The following NRXN3 variants were observed in gnomAD, a reference collection of about 807,000 sequenced individuals.
NRXN3 encodes the protein neurexin 3.
Under a neutral mutation model 137.6 loss-of-function variants are expected in NRXN3, and 32 were observed. The ratio of observed to expected loss-of-function variants is 0.23; its 90% CI spans 0.18 to 0.31. The LOEUF is 0.31. Among genes scored for constraint, NRXN3 ranks in the 10% least tolerant of loss-of-function variants. NRXN3 has a pLI of 1.00. For synonymous variants in NRXN3, 798 were observed against 784.5 expected (o/e 1.02, Z -0.29); for missense variants, 1,574 against 2,062.5 (o/e 0.76, Z 4.59).
Position 79,171,634 on chromosome 14 carries a change from A to C in NRXN3, c.3262+183493A>C, listed in dbSNP as rs1483611965. ...TTAAATGTAGACAGTGCTTTAAAAT[A>C]TATGCCTGATCATAAGAGTGGATAT... On this transcript the variant is annotated intron_variant, in intron 15 of 20. Coordinates refer to ENST00000335750, the MANE Select transcript of NRXN3 (RefSeq NM_001330195.2). 2.6e-5 allele frequency among the ~76,000 whole-genome samples: 4 copies of C among 152,306 alleles called. No individual in the cohort carries two copies. The East Asian group carries it at 5.8e-4, about 22-fold the overall frequency.
intron 20 of NRXN3, among the ~76,000 whole-genome samples, chr14:79,821,739 G>A (rs1420027435): frequency 3.7e-5 from 5 of 135,876 alleles, no homozygotes; most frequent in African/African-American, 1.4e-4. Context: ...CAAACTATAA[G>A]CTTGATGAAT....
At chr14:78,801,366 A>G (rs1166817842) in intron 8 of NRXN3, among the ~76,000 whole-genome samples, 1 of 152,230 alleles carries the variant, frequency 6.6e-6, no homozygotes, top group Non-Finnish European at 1.5e-5. Context: ...TATAAAGGAA[A>G]GAAGTTTAAT....
intron 4 of NRXN3, among the ~76,000 whole-genome samples, chr14:78,477,896 TCACA>T (rs1243448271): frequency 6.6e-6 from 1 of 151,624 alleles, no homozygotes; most frequent in East Asian, 1.9e-4. Context: ...TCTCTCTGTC[TCACA>T]CACACACACG....
chr14:79,751,875 G>T (rs1232941557), intron 19 of NRXN3, among the ~76,000 whole-genome samples: 26 of 152,036 alleles, frequency 1.7e-4, no homozygotes, highest in African/African-American at 2.7e-4. Flanking sequence ...GGATTACATT[G>T]ATTGATTTGC....
chr14:78,662,336 G>A (rs2097848510), intron 6 of NRXN3, among the ~76,000 whole-genome samples: 1 of 152,032 alleles, frequency 6.6e-6, no homozygotes. Flanking sequence ...AAGTGAAGAT[G>A]CCTGTGCCCA....
chr14:78,233,006 G>A (rs2065657951), intron 1 of NRXN3, among the ~76,000 whole-genome samples: 1 of 152,184 alleles, frequency 6.6e-6, no homozygotes. Context: ...TGTTGTTGTT[G>A]GTTTTCACCC....
At chr14:78,991,092 G>A (rs1362715025) in intron 15 of NRXN3, among the ~76,000 whole-genome samples, 1 of 152,180 alleles carries the variant, frequency 6.6e-6, no homozygotes, top group Non-Finnish European at 1.5e-5. Flanking sequence ...GACTTGAATA[G>A]GCTCATGCTT....
At chr14:78,205,563 G>T (rs1321711550) in intron 1 of NRXN3, among the ~76,000 whole-genome samples, 13 of 152,254 alleles carry the variant, frequency 8.5e-5, no homozygotes. Flanking sequence ...ATTGTGGCTT[G>T]GCTTAGGCCA....
intron 15 of NRXN3, among the ~76,000 whole-genome samples, chr14:79,399,008 C>CAAAAAAAAAAAAAAAAAA (rs34172134): frequency 1.3e-5 from 1 of 76,168 alleles, no homozygotes; most frequent in Non-Finnish European, 2.3e-5. Context: ...GACTCCATCT[C>CAAAAAAAAAAAAAAAAAA]AAAAAAAAAA....
chr14:79,121,587 T>C (rs2055444855), intron 15 of NRXN3, among the ~76,000 whole-genome samples: 1 of 152,212 alleles, frequency 6.6e-6, no homozygotes, highest in Non-Finnish European at 1.5e-5. Flanking sequence ...TTTTATAAAA[T>C]GGCACATGGG....
chr14:78,669,461 G>C (rs1408814458), intron 6 of NRXN3, among the ~76,000 whole-genome samples: 1 of 152,042 alleles, frequency 6.6e-6, no homozygotes, highest in African/African-American at 2.4e-5. Flanking sequence ...CTGCTGGTTG[G>C]CTATTTTATG....
At chr14:78,404,652 G>A (rs950493514) in intron 4 of NRXN3, among the ~76,000 whole-genome samples, 5 of 152,150 alleles carry the variant, frequency 3.3e-5, no homozygotes, top group African/African-American at 1.2e-4. Context: ...ACCAGGGACT[G>A]TGCCTCATTC....
chr14:79,028,812 A>G (rs2099602656), intron 15 of NRXN3, among the ~76,000 whole-genome samples: 1 of 152,270 alleles, frequency 6.6e-6, no homozygotes, highest in Non-Finnish European at 1.5e-5. Flanking sequence ...ACGAGTTACC[A>G]TAGCCTCCGT....
At chr14:79,485,354 A>G (rs2096646013) in intron 16 of NRXN3, among the ~76,000 whole-genome samples, 1 of 151,836 alleles carries the variant, frequency 6.6e-6, no homozygotes, top group South Asian at 2.1e-4. Context: ...CCACCCCCCA[A>G]CTCCTGACAA....
chr14:79,585,909 C>T (rs375183827), intron 16 of NRXN3, among the ~76,000 whole-genome samples: 3 of 152,222 alleles, frequency 2.0e-5, no homozygotes, highest in African/African-American at 7.2e-5. Flanking sequence ...ATTACCATGC[C>T]CACACCACTG....
rs746955982 is a variant in NRXN3 at position 78,966,340 on chromosome 14, C to A, written c.2711C>A (p.Pro904Gln). 3.5e-5 allele frequency: 57 copies of A among 1,614,198 alleles called. No individual in the cohort carries two copies. The South Asian group carries it at 6.0e-4, about 17-fold the overall frequency. ...HLFFQFKTTS[P>Q]DGFILFNSGD... ...TTCTTCCAGTTCAAGACCACCTCAC[C>A]AGATGGCTTCATTCTCTTCAATAGT... Residue 904 changes from proline (P) to glutamine (Q), a missense_variant, in exon 12 of 21, where the codon CCA (proline) becomes CAA (glutamine). Pro to Gln is a moderately conservative substitution (Grantham distance 76). Transcript: ENST00000335750.
Position 79,775,689 on chromosome 14 carries a change from C to T in NRXN3, c.4015-29423C>T, listed in dbSNP as rs1004881521. Among the ~76,000 whole-genome samples the T allele has an allele frequency of 5.3e-5, 8 of 151,798 alleles. No individual in the cohort carries two copies. The East Asian group carries it at 9.7e-4, about 18-fold the overall frequency. On this transcript the variant is annotated intron_variant, in intron 19 of 20. Coordinates refer to ENST00000335750, the MANE Select transcript of NRXN3 (RefSeq NM_001330195.2). ...AGGTCAGAAGTGGGGAGCAGAGAGA[C>T]AGAAGGCTATAAGTGAGGAGACAGT...
At chr14:79,338,292 G>A (rs970262544) in intron 15 of NRXN3, among the ~76,000 whole-genome samples, 1 of 151,496 alleles carries the variant, frequency 6.6e-6, no homozygotes, top group Admixed American at 6.6e-5. Flanking sequence ...AGCCATCATG[G>A]GAAAGGGAAA....
chr14:79,645,870 G>A (rs928346114), intron 16 of NRXN3, among the ~76,000 whole-genome samples: 1 of 135,538 alleles, frequency 7.4e-6, no homozygotes, highest in African/African-American at 2.5e-5. Context: ...TGGCACCAAG[G>A]AATAGTTTTG....
Sources: allele counts gnomAD v4.1 joint callset (sites outside exome capture counted in the v4.1 genomes callset), GRCh38; gene constraint gnomAD v4.1.1; transcripts MANE v1.5; gene names NCBI Gene and HGNC (gene_info 2026-07-23, HGNC 2026-07-21).